ELAPOR2: variants seen among roughly 807,000 people sequenced by gnomAD.
ELAPOR2 encodes endosome/lysosome-associated apoptosis and autophagy regulator family member 2.
Under a neutral mutation model 120.7 loss-of-function variants are expected in ELAPOR2, and 89 were observed. The ratio of observed to expected loss-of-function variants is 0.74; its 90% confidence interval spans 0.62 to 0.88. The LOEUF (loss-of-function observed/expected upper bound fraction) is 0.88, where lower values mean the gene tolerates loss of function less well. Ranked by LOEUF, ELAPOR2 falls within the 40% of genes least tolerant of loss-of-function variation. The pLI, the probability that ELAPOR2 is intolerant of heterozygous loss-of-function variation, is 0.00. For synonymous variants in ELAPOR2, 444 were observed against 444.9 expected (o/e 1.00, Z 0.03); for missense variants, 1,134 against 1,251.6 (o/e 0.91, Z 1.42).
chr7:86,936,713 T>C (rs1252147007), intron 8 of ELAPOR2, among the ~76,000 whole-genome samples: 2 of 152,092 alleles, frequency 1.3e-5, no homozygotes, highest in Non-Finnish European at 2.9e-5. Context: ...TGTCTATGCA[T>C]ATGTGCGTAT....
intron 1 of ELAPOR2, among the ~76,000 whole-genome samples, chr7:87,046,821 C>T (rs918738421): frequency 6.6e-6 from 1 of 152,130 alleles, no homozygotes; most frequent in Non-Finnish European, 1.5e-5. Flanking sequence ...AAACCTCTTT[C>T]CTTTATAAAT....
At chr7:86,980,636 T>C (rs371648180) in intron 1 of ELAPOR2, among the ~76,000 whole-genome samples, 6 of 152,140 alleles carry the variant, frequency 3.9e-5, no homozygotes, top group African/African-American at 1.4e-4. Context: ...ATCTTCTGTT[T>C]GGGCATGCAC....
intron 1 of ELAPOR2, among the ~76,000 whole-genome samples, chr7:87,056,309 T>C (rs1165646465): frequency 1.3e-5 from 2 of 152,230 alleles, no homozygotes; most frequent in African/African-American, 4.8e-5. Context: ...GTTTCATTAA[T>C]AACATTTTAT....
chr7:86,914,519 T>C (rs116777306), intron 13 of ELAPOR2, among the ~76,000 whole-genome samples: 1,738 of 152,298 alleles, frequency 0.011, 39 homozygotes, highest in African/African-American at 0.04. Context: ...CAAAGACATG[T>C]TGTTATTTTA....
Position 86,918,553 on chromosome 7 carries a change from C to G in ELAPOR2, c.1491-9G>C. The stretch of plus-strand genomic sequence containing the variant: ...TCATAGATGTTGGTGGTCTATTTGA[C>G]AGATTAAAATGGCAATATTTATACT... On this transcript the variant is annotated splice_polypyrimidine_tract_variant and intron_variant, in intron 11 of 21. Coordinates refer to ENST00000450689, the MANE Select transcript of ELAPOR2 (RefSeq NM_001142749.3). 6.5e-7 allele frequency: 1 copy of G among 1,538,886 alleles called. No homozygotes were observed. The highest frequency in any genetic ancestry group is 9.0e-7 in the Non-Finnish European group (1 of 1,112,514).
intron 1 of ELAPOR2, among the ~76,000 whole-genome samples, chr7:87,053,688 G>C (rs1795181291): frequency 6.6e-6 from 1 of 152,146 alleles, no homozygotes; most frequent in Non-Finnish European, 1.5e-5. Flanking sequence ...GCTGTGACTA[G>C]AATTCAGAGA....
intron 1 of ELAPOR2, among the ~76,000 whole-genome samples, chr7:87,014,130 C>T (rs1793788498): frequency 6.8e-6 from 1 of 147,622 alleles, no homozygotes; most frequent in Admixed American, 6.9e-5. Flanking sequence ...AGAGAAAATA[C>T]ATGTTAGGCA....
intron 2 of ELAPOR2, among the ~76,000 whole-genome samples, chr7:86,950,309 G>C (rs948885003): frequency 2.0e-5 from 3 of 152,194 alleles, no homozygotes; most frequent in Non-Finnish European, 2.9e-5. Flanking sequence ...CCAAATGGTG[G>C]AGCTAAAAGA....
At chr7:86,988,755 G>A (rs758866062) in intron 1 of ELAPOR2, among the ~76,000 whole-genome samples, 1 of 152,216 alleles carries the variant, frequency 6.6e-6, no homozygotes, top group East Asian at 1.9e-4. Context: ...CCCTCCCCTG[G>A]AGAATCTAAG....
At chr7:86,884,630 T>C (rs1799601802) in intron 21 of ELAPOR2, among the ~76,000 whole-genome samples, 1 of 152,146 alleles carries the variant, frequency 6.6e-6, no homozygotes, top group African/African-American at 2.4e-5. Context: ...AAATTCATCC[T>C]GGTAGGCAAA....
chr7:87,046,162 T>A (rs1297586420), intron 1 of ELAPOR2, among the ~76,000 whole-genome samples: 2 of 152,112 alleles, frequency 1.3e-5, no homozygotes, highest in African/African-American at 4.8e-5. Context: ...ATGTCAACAG[T>A]GAACACTCCA....
rs114321295 is a variant in ELAPOR2 at position 86,925,055 on chromosome 7, T to G, written c.1399+473A>C. 2.5e-3 allele frequency among the ~76,000 whole-genome samples: 374 copies of G among 152,130 alleles called. 1 individual carries two copies. The highest frequency in any genetic ancestry group is 8.7e-3 in the African/African-American group (362 of 41,540). On this transcript the variant is annotated intron_variant, in intron 10 of 21. Coordinates refer to ENST00000450689, the MANE Select transcript of ELAPOR2 (RefSeq NM_001142749.3). ...ACTGTTCTGTAGAACTCTGCCACATTTTCAAATTTTCAATAGGTAGAATTC... is the reference window on the plus strand; with the variant it reads ...ACTGTTCTGTAGAACTCTGCCACATGTTCAAATTTTCAATAGGTAGAATTC...
chr7:86,882,860 G>C (rs976523080), intron 21 of ELAPOR2, among the ~76,000 whole-genome samples: 5 of 152,080 alleles, frequency 3.3e-5, no homozygotes, highest in Admixed American at 1.3e-4. Flanking sequence ...TTCCAAACAG[G>C]ATGATCTTTT....
chr7:86,909,132 C>T (rs1331807070), intron 16 of ELAPOR2, among the ~76,000 whole-genome samples: 2 of 151,908 alleles, frequency 1.3e-5, no homozygotes, highest in Non-Finnish European at 2.9e-5. Flanking sequence ...GCAACCCCCA[C>T]CCCAGTAACT....
chr7:86,912,434 T>A (rs1789358822), intron 14 of ELAPOR2, among the ~76,000 whole-genome samples, 189 bp from the exon 15 acceptor site: 2 of 152,168 alleles, frequency 1.3e-5, no homozygotes, highest in African/African-American at 4.8e-5. Context: ...GTTCAGAAAA[T>A]TCAGAATCTT....
At chr7:87,021,994 A>G (rs1794055652) in intron 1 of ELAPOR2, among the ~76,000 whole-genome samples, 2 of 152,176 alleles carry the variant, frequency 1.3e-5, no homozygotes. Context: ...TCCCTGTGGA[A>G]TATGATCATT....
In ELAPOR2 at chr7:86,914,836, C is replaced by T; in HGVS notation, c.1618G>A (p.Val540Met). The change falls in exon 13 of 22, where the codon GTG becomes ATG. Residue 540 changes from valine to methionine, a missense_variant. Physicochemically the swap from Val to Met is conservative, Grantham distance 21. Transcript: ENST00000450689. ...TTGGTTCCACCCCACGATTCTACCA[C>T]ATTTGTACTTTTTCTATTAATATCC... ...MVDINRKSTN[V>M]VESWGGTKEK... 2 of 1,610,038 alleles carry T rather than the reference C, an allele frequency of 1.2e-6. No homozygotes were observed. Among genetic ancestry groups the T allele is most frequent in the South Asian group, 2.2e-5 (2 of 90,084 alleles).
intron 1 of ELAPOR2, among the ~76,000 whole-genome samples, chr7:86,973,607 T>A (rs1197523349): frequency 6.6e-6 from 1 of 152,080 alleles, no homozygotes; most frequent in Non-Finnish European, 1.5e-5. Flanking sequence ...CACATCCAAC[T>A]CTGGTAAGTG....
intron 2 of ELAPOR2, among the ~76,000 whole-genome samples, chr7:86,950,734 G>T (rs1293022917): frequency 6.6e-6 from 1 of 152,212 alleles, no homozygotes; most frequent in African/African-American, 2.4e-5. Flanking sequence ...GGCCAGTAGA[G>T]TGAGCCAAAT....
Sources: gnomAD v4.1 joint callset for allele counts (sites outside exome capture counted in the v4.1 genomes callset) on GRCh38, gnomAD v4.1.1 for gene constraint, MANE v1.5 for transcripts, NCBI Gene and HGNC (gene_info 2026-07-23, HGNC 2026-07-21) for gene names.